The following TPTE2 variants were observed in gnomAD, a reference collection of about 807,000 sequenced individuals.
TPTE2 encodes the protein transmembrane phosphoinositide 3-phosphatase and tensin homolog 2.
Under a neutral mutation model 78.6 loss-of-function variants are expected in TPTE2, and 53 were observed. That is an observed-to-expected ratio of 0.67 (90% CI 0.54 to 0.85). The LOEUF (loss-of-function observed/expected upper bound fraction) is 0.85. Among genes scored for constraint, TPTE2 ranks in the 40% least tolerant of loss-of-function variants. The probability of loss-of-function intolerance (pLI) is 0.00; values close to 1 mark genes in which losing one functional copy is unlikely to be tolerated. For synonymous variants in TPTE2, 175 were observed against 206.2 expected, an observed-to-expected ratio of 0.85 and a Z score of 1.30; for missense variants, 461 against 623.0, an observed-to-expected ratio of 0.74 and a Z score of 2.77.
chr13:19,493,531 G>T (rs1294514979), intron 1 of TPTE2, 30 bp from the exon 5 acceptor site: 1 of 1,605,224 alleles, frequency 6.2e-7, no homozygotes, highest in Non-Finnish European at 8.5e-7. Flanking sequence ...TACAGTCAGA[G>T]AGGAGACATA....
the TPTE2 span, among the ~76,000 whole-genome samples, chr13:19,552,204 T>C: frequency 6.6e-6 from 1 of 152,232 alleles, no homozygotes. Context: ...AGAGTTGTAA[T>C]GTTCTCCAAA....
intron 6 of TPTE2, among the ~76,000 whole-genome samples, chr13:19,470,986 T>C (rs1309771140): frequency 6.6e-6 from 1 of 151,796 alleles, no homozygotes; most frequent in Non-Finnish European, 1.5e-5. Context: ...CTCAGCTCAC[T>C]GCAACCTCTG....
Position 19,438,069 on chromosome 13 carries a change from A to ATCT in TPTE2, c.1035+22_1035+23insAGA, listed in dbSNP as rs762030750. 1.1e-3 allele frequency: 1,751 copies of ATCT among 1,600,630 alleles called. 26 individuals are homozygous for ATCT. The South Asian group carries it at 0.019, about 17-fold the overall frequency. Reference sequence around the variant, plus strand: ...AGCAAACTCAATCATCATAAGAGAAAGTTTGTAGAACATCTTTCATACCTC... The same window carrying ATCT: ...AGCAAACTCAATCATCATAAGAGAAATCTGTTTGTAGAACATCTTTCATACCTC... On this transcript the variant is annotated intron_variant, in intron 14 of 19. Transcript: ENST00000400230.
chr13:19,547,714 A>AATATATATATATAT, the TPTE2 span, among the ~76,000 whole-genome samples: 2 of 108,556 alleles, frequency 1.8e-5, no homozygotes, highest in African/African-American at 4.5e-5. Context: ...CTAAGTAATA[A>AATATATATATATAT]ATATACATAT....
At chr13:19,546,179 C>G in the TPTE2 span, among the ~76,000 whole-genome samples, 1 of 152,068 alleles carries the variant, frequency 6.6e-6, no homozygotes, top group Non-Finnish European at 1.5e-5. Context: ...GCCTGGAAGA[C>G]AGAGTGACAC....
intron 1 of TPTE2, among the ~76,000 whole-genome samples, chr13:19,531,730 C>A (rs1870885385): frequency 6.6e-6 from 1 of 151,754 alleles, no homozygotes. Flanking sequence ...AGGTCAAGAC[C>A]AGCCTAGCCA....
chr13:19,443,601 AC>A (rs1877627886), intron 13 of TPTE2, among the ~76,000 whole-genome samples: 3 of 151,984 alleles, frequency 2.0e-5, no homozygotes, highest in Non-Finnish European at 2.9e-5. Context: ...ACAGGGTTTC[AC>A]CATGTTGCCT....
At chr13:19,467,175 T>C (rs1183477098) in intron 7 of TPTE2, 50 bp downstream of exon 10, 5 of 1,488,026 alleles carry the variant, frequency 3.4e-6, no homozygotes, top group Non-Finnish European at 4.5e-6. Context: ...CCACAGAAAA[T>C]GCTAAAAGTA....
Position 19,477,820 on chromosome 13 carries a change from T to C in TPTE2, c.180-2197A>G, listed in dbSNP as rs148290078. ...ACTATGTAAATGCAGCTTCAAGCAG[T>C]TATGTGCAGAGTTTGCAGGGAAATA... On this transcript the variant is annotated intron_variant, in intron 4 of 19. Transcript: ENST00000400230. Among the ~76,000 whole-genome samples the C allele has an allele frequency of 2.6e-3, 398 of 152,312 alleles. 7 individuals carry two copies. The highest frequency in any genetic ancestry group is 0.021 in the Admixed American group (317 of 15,300).
chr13:19,504,767 T>G (rs1413366306), upstream of TPTE2, among the ~76,000 whole-genome samples: 1 of 152,118 alleles, frequency 6.6e-6, no homozygotes, highest in Non-Finnish European at 1.5e-5. Context: ...AAAGACATTC[T>G]GTATGGCCAT....
intron 6 of TPTE2, among the ~76,000 whole-genome samples, chr13:19,473,576 C>A (rs1451311622): frequency 6.7e-6 from 1 of 148,506 alleles, no homozygotes; most frequent in Non-Finnish European, 1.5e-5. Flanking sequence ...GGTGAATGCT[C>A]CTGTTAATTA....
At chr13:19,436,823 A>T (rs1333026693) in intron 14 of TPTE2, among the ~76,000 whole-genome samples, 1 of 152,170 alleles carries the variant, frequency 6.6e-6, no homozygotes, top group Non-Finnish European at 1.5e-5. Context: ...CATAGAAAGC[A>T]TCTGGTCCAA....
exon 4 of TPTE2, chr13:19,482,497 G>C: frequency 6.2e-7 from 1 of 1,611,562 alleles, no homozygotes; most frequent in South Asian, 1.1e-5. Flanking sequence ...CTCATATGAA[G>C]CAACATTTTC....
At chr13:19,442,055 A>G (rs1877534684) in intron 13 of TPTE2, among the ~76,000 whole-genome samples, 1 of 152,150 alleles carries the variant, frequency 6.6e-6, no homozygotes, top group South Asian at 2.1e-4. Context: ...ACAGAATGTC[A>G]GTAGGAAAAT....
intron 1 of TPTE2, among the ~76,000 whole-genome samples, chr13:19,512,769 G>C (rs1200110160): frequency 6.6e-6 from 1 of 152,018 alleles, no homozygotes; most frequent in Non-Finnish European, 1.5e-5. Flanking sequence ...AGTAGAGACA[G>C]GGTTTTACCA....
At chr13:19,503,127 G>C in intron 1 of TPTE2, 97 bp downstream of exon 4, 1 of 1,543,390 alleles carries the variant, frequency 6.5e-7, no homozygotes. Context: ...ATGCATGGAT[G>C]CATGGATGGA....
At chr13:19,492,388 G>A (rs1881043988) in intron 3 of TPTE2, among the ~76,000 whole-genome samples, 1 of 152,112 alleles carries the variant, frequency 6.6e-6, no homozygotes. Context: ...CTTATTGGCT[G>A]CTATCTCATC....
intron 1 of TPTE2, among the ~76,000 whole-genome samples, chr13:19,502,753 CTA>C (rs1292931261): frequency 6.6e-6 from 1 of 151,252 alleles, no homozygotes. Context: ...ACATATGTAA[CTA>C]ACCTGCACAA....
intron 15 of TPTE2, among the ~76,000 whole-genome samples, chr13:19,433,775 A>G (rs1332671440): frequency 1.3e-5 from 2 of 152,148 alleles, no homozygotes; most frequent in African/African-American, 2.4e-5. Context: ...GCTCTCAAAC[A>G]TGCAGCTGAG....
Sources: gnomAD v4.1 joint callset for allele counts (sites outside exome capture counted in the v4.1 genomes callset) on GRCh38, gnomAD v4.1.1 for gene constraint, MANE v1.5 for transcripts, NCBI Gene and HGNC (gene_info 2026-07-23, HGNC 2026-07-21) for gene names.